WWOX: variants seen among roughly 807,000 people sequenced by gnomAD.
The protein encoded by WWOX is WW domain-containing oxidoreductase.
In WWOX, 69 loss-of-function variants were observed where a neutral mutation model predicts 46.2. That is an observed-to-expected ratio of 1.49 (90% CI 1.23 to 1.82). The LOEUF (loss-of-function observed/expected upper bound fraction) is 1.82. Ranked by LOEUF, WWOX falls within the 40% of genes most tolerant of loss-of-function variation. WWOX has a pLI of 0.00. For missense variants in WWOX, 919 were observed against 542.6 expected (o/e 1.69, Z -6.89); for synonymous variants, 359 against 202.6 (o/e 1.77, Z -6.56).
At chr16:78,880,170 A>C (rs2044314498) in intron 8 of WWOX, among the ~76,000 whole-genome samples, 1 of 152,240 alleles carries the variant, frequency 6.6e-6, no homozygotes, top group South Asian at 2.1e-4. Context: ...CAAATCAGAC[A>C]TCAGAAAAGA....
At chr16:78,721,688 C>T (rs953541335) in intron 8 of WWOX, among the ~76,000 whole-genome samples, 3 of 152,218 alleles carry the variant, frequency 2.0e-5, no homozygotes, top group African/African-American at 7.2e-5. Flanking sequence ...CTGCCTGAGC[C>T]TCTCGGAAAT....
chr16:78,205,423 T>C (rs1304881164), intron 5 of WWOX, among the ~76,000 whole-genome samples: 1 of 152,066 alleles, frequency 6.6e-6, no homozygotes, highest in Non-Finnish European at 1.5e-5. Context: ...CATCTATCCA[T>C]CCACACAACC....
At chr16:79,136,344 C>T (rs1169393496) in intron 8 of WWOX, among the ~76,000 whole-genome samples, 6 of 152,050 alleles carry the variant, frequency 3.9e-5, no homozygotes, top group African/African-American at 1.4e-4. Flanking sequence ...GATTCTCCTG[C>T]CTCCGCCTCC....
chr16:78,546,213 C>G (rs117475624), intron 8 of WWOX, among the ~76,000 whole-genome samples: 161 of 152,284 alleles, frequency 1.1e-3, no homozygotes, highest in Non-Finnish European at 2.1e-3. Context: ...ACAGATGACT[C>G]TAACCTTGTG....
rs547538153 is a variant in WWOX at position 79,077,489 on chromosome 16, A to T, written c.1057-134119A>T. The T allele has an allele frequency of 2.0e-5, 3 of 152,300 alleles. No homozygotes were observed. In the East Asian group the frequency reaches 5.8e-4, roughly 29 times the overall value. The allele number at this position is 152,300 out of a possible 1,614,324, so 9.4% of individuals were successfully genotyped here. A position where few individuals can be genotyped will look rare whatever the true frequency, so the allele number is the denominator to read the frequency against. On this transcript the variant is annotated intron_variant, in intron 8 of 8. Transcript: ENST00000566780. Reference sequence around the variant, plus strand: ...GCCTTTTAAAATACAGAACATAAGGATGCAATTCACAGAGATGGTCTAAAC... The same window carrying T: ...GCCTTTTAAAATACAGAACATAAGGTTGCAATTCACAGAGATGGTCTAAAC...
At chr16:78,709,316 C>G (rs567321770) in intron 8 of WWOX, among the ~76,000 whole-genome samples, 5 of 152,284 alleles carry the variant, frequency 3.3e-5, no homozygotes, top group African/African-American at 1.2e-4. Flanking sequence ...ATTTAACTTA[C>G]GTAGTGATCA....
chr16:78,962,152 G>C (rs1326372426), intron 8 of WWOX, among the ~76,000 whole-genome samples: 1 of 152,080 alleles, frequency 6.6e-6, no homozygotes, highest in East Asian at 1.9e-4. Flanking sequence ...ATCTCTCCCA[G>C]AGGAGAGAAG....
intron 5 of WWOX, among the ~76,000 whole-genome samples, chr16:78,366,047 C>G (rs1341727736): frequency 6.6e-6 from 1 of 152,158 alleles, no homozygotes; most frequent in Non-Finnish European, 1.5e-5. Flanking sequence ...GGGAATACAT[C>G]TTTCGGCCCA....
At chr16:78,607,475 T>G (rs2045787561) in intron 8 of WWOX, among the ~76,000 whole-genome samples, 2 of 152,170 alleles carry the variant, frequency 1.3e-5, no homozygotes, top group South Asian at 4.1e-4. Flanking sequence ...TCAAAAATTG[T>G]TATAAAGATT....
intron 5 of WWOX, among the ~76,000 whole-genome samples, chr16:78,197,954 T>C (rs1204334072): frequency 6.6e-6 from 1 of 152,166 alleles, no homozygotes; most frequent in African/African-American, 2.4e-5. Context: ...TTATTTTTTT[T>C]TTAAATTTCT....
chr16:78,441,029 G>A (rs563424065), intron 8 of WWOX, among the ~76,000 whole-genome samples: 2 of 152,014 alleles, frequency 1.3e-5, no homozygotes, highest in East Asian at 1.9e-4. Context: ...TGCAGCCTCC[G>A]CCTCCCAGGT....
At chr16:78,665,345 A>G (rs758523414) in intron 8 of WWOX, among the ~76,000 whole-genome samples, 1 of 152,200 alleles carries the variant, frequency 6.6e-6, no homozygotes, top group African/African-American at 2.4e-5. Context: ...AGGGATATTC[A>G]TAACTGTGAA....
At chr16:78,209,317 G>C (rs2085910937) in intron 5 of WWOX, among the ~76,000 whole-genome samples, 1 of 152,210 alleles carries the variant, frequency 6.6e-6, no homozygotes, top group African/African-American at 2.4e-5. Flanking sequence ...GTATTAGGCT[G>C]CTCCACTGAT....
At position 79,211,605 on chromosome 16, in the gene WWOX, C is replaced by T. The variant is rs143302415; in HGVS notation, c.1057-3C>T. ...TTTTTTGTCTTTCTTCTTGGATTTCCAGCAACAGGGAGCTGCCACCACCGT... is the reference window on the plus strand; with the variant it reads ...TTTTTTGTCTTTCTTCTTGGATTTCTAGCAACAGGGAGCTGCCACCACCGT... On this transcript the variant is annotated splice_region_variant and splice_polypyrimidine_tract_variant and intron_variant, in intron 8 of 8. Coordinates refer to ENST00000566780, the MANE Select transcript of WWOX (RefSeq NM_016373.4). The T allele has an allele frequency of 4.8e-5, 78 of 1,614,160 alleles. No homozygotes were observed. The highest frequency in any genetic ancestry group is 2.5e-4 in the African/African-American group (19 of 75,034).
At chr16:78,895,717 C>G (rs2044686644) in intron 8 of WWOX, 1 of 152,154 alleles carries the variant, frequency 6.6e-6, no homozygotes, top group Non-Finnish European at 1.5e-5. Flanking sequence ...GTTCATTGGT[C>G]AAATTGATTG....
chr16:78,590,890 C>G (rs1268593945), intron 8 of WWOX, among the ~76,000 whole-genome samples: 1 of 152,180 alleles, frequency 6.6e-6, no homozygotes, highest in Non-Finnish European at 1.5e-5. Context: ...ACAACACCAG[C>G]TGCTACAAAG....
At chr16:78,532,015 T>C (rs1022411187) in intron 8 of WWOX, among the ~76,000 whole-genome samples, 1 of 151,948 alleles carries the variant, frequency 6.6e-6, no homozygotes, top group South Asian at 2.1e-4. Context: ...GGGAGATTAG[T>C]TAGAGACAGG....
chr16:78,392,753 G>C (rs1291682697), intron 6 of WWOX, among the ~76,000 whole-genome samples: 2 of 152,160 alleles, frequency 1.3e-5, no homozygotes, highest in Non-Finnish European at 2.9e-5. Context: ...TTCAGAGGCA[G>C]TGGTGTAATC....
intron 8 of WWOX, chr16:78,996,434 G>A (rs1476066457): frequency 1.4e-6 from 1 of 736,210 alleles, no homozygotes; most frequent in African/African-American, 2.1e-5. Flanking sequence ...TGCAAAGAAT[G>A]GAGGCATATT....
Sources: gnomAD v4.1 joint callset for allele counts (sites outside exome capture counted in the v4.1 genomes callset) on GRCh38, gnomAD v4.1.1 for gene constraint, MANE v1.5 for transcripts, NCBI Gene and HGNC (gene_info 2026-07-23, HGNC 2026-07-21) for gene names.